Variants in ELOVL4 observed in about 807,000 individuals in gnomAD.
ELOVL4 encodes very long chain fatty acid elongase 4.
In ELOVL4, 18 loss-of-function variants were observed where a neutral mutation model predicts 42.1. The observed-to-expected ratio is 0.43, with a 90% CI of 0.30 to 0.63. ELOVL4 has a LOEUF of 0.63. ELOVL4 is among the 30% of genes least tolerant of loss of function. The pLI, the probability that ELOVL4 is intolerant of heterozygous loss-of-function variation, is 0.15. For missense variants in ELOVL4, 299 were observed against 376.2 expected (o/e 0.79, Z 1.70); for synonymous variants, 117 against 127.0 (o/e 0.92, Z 0.53).
At chr6:79,931,608 T>TCAAAGGAGC (rs1774446468) in intron 1 of ELOVL4, among the ~76,000 whole-genome samples, 1 of 152,204 alleles carries the variant, frequency 6.6e-6, no homozygotes, top group Non-Finnish European at 1.5e-5. Flanking sequence ...CCAAGTCTTA[T>TCAAAGGAGC]ACTTCATTAG....
At chr6:79,921,459 C>CAAAAA (rs1168483827) in intron 4 of ELOVL4, among the ~76,000 whole-genome samples, 166 bp downstream of exon 4, 1,247 of 42,408 alleles carry the variant, frequency 0.029, 5 homozygotes, top group East Asian at 0.038. Flanking sequence ...GACTCCATCT[C>CAAAAA]AAAAAAAAAA....
chr6:79,947,253 A>G lies in ELOVL4; in HGVS notation c.27T>C (p.Gly9=). 1 of 1,612,882 alleles carries G rather than the reference A, an allele frequency of 6.2e-7. No individual in the cohort carries two copies. The highest frequency in any genetic ancestry group is 8.5e-7 in the Non-Finnish European group (1 of 1,179,444). Residue 9 remains glycine (G), a synonymous_variant, in exon 1 of 6, where the codon GGT becomes GGC. Transcript: ENST00000369816. ...CCGTGGACACTACGTTTAGGACACT[A>G]CCCGGCTCCGAGTCCAGGAGCCCCA... is the stretch of plus-strand genomic sequence containing the variant. MGLLDSEP[G]SVLNVVSTAL...
intron 2 of ELOVL4, among the ~76,000 whole-genome samples, chr6:79,925,631 G>A (rs181030911): frequency 6.6e-6 from 1 of 152,178 alleles, no homozygotes; most frequent in African/African-American, 2.4e-5. Context: ...TGAAAATGTT[G>A]TGGAGAATTT....
At chr6:79,931,539 T>C (rs779439176) in intron 1 of ELOVL4, among the ~76,000 whole-genome samples, 10 of 152,076 alleles carry the variant, frequency 6.6e-5, no homozygotes, top group African/African-American at 2.4e-4. Context: ...GGAAAGAAAA[T>C]AAGACAGACT....
chr6:79,939,724 T>G (rs1774611137), intron 1 of ELOVL4, among the ~76,000 whole-genome samples: 1 of 151,974 alleles, frequency 6.6e-6, no homozygotes, highest in East Asian at 1.9e-4. Flanking sequence ...ATGTTGGTCT[T>G]GAACTCCTGG....
chr6:79,919,594 G>C, intron 4 of ELOVL4, 47 bp from the exon 5 acceptor site: 1 of 1,566,486 alleles, frequency 6.4e-7, no homozygotes, highest in South Asian at 1.1e-5. Flanking sequence ...AATTTTATTA[G>C]GCAGTAAGCC....
rs1375492838 is a variant in ELOVL4 at position 79,921,691 on chromosome 6, C to A, written c.475G>T (p.Val159Leu). 1.2e-6 allele frequency: 2 copies of A among 1,613,948 alleles called. No homozygotes were observed. The highest frequency in any genetic ancestry group is 1.7e-6 in the Non-Finnish European group (2 of 1,179,968). The change falls in exon 4 of 6, where the codon GTG becomes TTG. Residue 159 changes from valine (V) to leucine (L), a missense_variant. Coordinates refer to ENST00000369816, the MANE Select transcript of ELOVL4 (RefSeq NM_022726.4). Reference sequence around the variant, plus strand: ...GTAAACATCGTACAGTGATGATACACATGAAGGAAAGAAACTTGGTTGTTT... The same window carrying A: ...GTAAACATCGTACAGTGATGATACAAATGAAGGAAAGAAACTTGGTTGTTT... ...KKNNQVSFLHVYHHCTMFTLW... is the reference protein window; with the variant it reads ...KKNNQVSFLHLYHHCTMFTLW...
In ELOVL4 at chr6:79,916,835, C is replaced by G; in HGVS notation, c.718G>C (p.Asp240His). The G allele has an allele frequency of 1.2e-6, 2 of 1,614,114 alleles. No homozygotes were observed. The highest frequency in any genetic ancestry group is 8.5e-7 in the Non-Finnish European group (1 of 1,180,024). Residue 240 changes from aspartate (D) to histidine (H), a missense_variant, in exon 6 of 6, where the codon GAC (aspartate) becomes CAC (histidine). By Grantham distance (81) the Asp-to-His change is moderately conservative. Coordinates refer to ENST00000369816, the MANE Select transcript of ELOVL4 (RefSeq NM_022726.4). Reference sequence around the variant, plus strand: ...TGCATCCATTTGGGGAAGGGGCAGTCAGTGTAAAGAGACAGTGCCGTGTGC... The same window carrying G: ...TGCATCCATTTGGGGAAGGGGCAGTGAGTGTAAAGAGACAGTGCCGTGTGC... ...IGHTALSLYT[D>H]CPFPKWMHWA...
At chr6:79,920,950 A>T (rs1158548339) in intron 4 of ELOVL4, among the ~76,000 whole-genome samples, 1 of 152,062 alleles carries the variant, frequency 6.6e-6, no homozygotes. Context: ...TTCAATCTGT[A>T]TTAGGGCAGG....
At chr6:79,922,036 ATTCCATAGG>A (rs1484829813) in intron 3 of ELOVL4, among the ~76,000 whole-genome samples, 4 of 152,250 alleles carry the variant, frequency 2.6e-5, no homozygotes, top group African/African-American at 9.6e-5. Flanking sequence ...TTTTCTGTCT[ATTCCATAGG>A]TAGATGTTAC....
At chr6:79,942,387 G>A (rs545711087) in intron 1 of ELOVL4, among the ~76,000 whole-genome samples, 3 of 152,094 alleles carry the variant, frequency 2.0e-5, no homozygotes, top group African/African-American at 4.8e-5. Context: ...TAATGAAGAC[G>A]AAAAAAACAT....
At chr6:79,918,634 T>A (rs1316623514) in intron 5 of ELOVL4, among the ~76,000 whole-genome samples, 1 of 152,240 alleles carries the variant, frequency 6.6e-6, no homozygotes, top group Non-Finnish European at 1.5e-5. Flanking sequence ...ATTCCACTGA[T>A]AAAATTGTGC....
At chr6:79,939,976 C>T (rs2127702004) in intron 1 of ELOVL4, among the ~76,000 whole-genome samples, 1 of 152,276 alleles carries the variant, frequency 6.6e-6, no homozygotes, top group Non-Finnish European at 1.5e-5. Flanking sequence ...TATGTATATA[C>T]CACGTTGCGT....
At chr6:79,940,694 A>T (rs239521) in intron 1 of ELOVL4, among the ~76,000 whole-genome samples, 1 of 151,974 alleles carries the variant, frequency 6.6e-6, no homozygotes, top group Non-Finnish European at 1.5e-5. Flanking sequence ...CTCTCACAGC[A>T]CAGGTAGAAA....
intron 1 of ELOVL4, among the ~76,000 whole-genome samples, chr6:79,936,631 A>C (rs1774548552): frequency 6.6e-6 from 1 of 152,250 alleles, no homozygotes; most frequent in Non-Finnish European, 1.5e-5. Context: ...AACGGTTGTC[A>C]AGAAGAGTCT....
chr6:79,932,406 G>A (rs145869247), intron 1 of ELOVL4, among the ~76,000 whole-genome samples: 4 of 151,960 alleles, frequency 2.6e-5, no homozygotes, highest in Admixed American at 6.6e-5. Flanking sequence ...TTAGCTGGGC[G>A]TGGTGGTGTG....
intron 1 of ELOVL4, among the ~76,000 whole-genome samples, chr6:79,930,137 C>T (rs1278502600): frequency 1.3e-5 from 2 of 152,158 alleles, no homozygotes; most frequent in Non-Finnish European, 2.9e-5. Flanking sequence ...AATATATGTG[C>T]TCTACAAAGC....
At chr6:79,925,130 C>A in intron 2 of ELOVL4, 98 bp from the exon 3 acceptor site, 1 of 835,956 alleles carries the variant, frequency 1.2e-6, no homozygotes, top group Non-Finnish European at 1.9e-6. Context: ...TTATTTTAAA[C>A]ACAATATTTT....
At chr6:79,935,781 T>TTAAGCA (rs1774531676) in intron 1 of ELOVL4, among the ~76,000 whole-genome samples, 1 of 152,196 alleles carries the variant, frequency 6.6e-6, no homozygotes, top group African/African-American at 2.4e-5. Context: ...CATTAATAAC[T>TTAAGCA]TAAGCATGTT....
Sources: gnomAD v4.1 joint callset for allele counts (sites outside exome capture counted in the v4.1 genomes callset) on GRCh38, gnomAD v4.1.1 for gene constraint, MANE v1.5 for transcripts, NCBI Gene and HGNC (gene_info 2026-07-23, HGNC 2026-07-21) for gene names.